The following SH2D4A variants were observed in gnomAD, a reference collection of about 807,000 sequenced individuals.
The protein encoded by SH2D4A is SH2 domain containing 4A.
A neutral mutation model predicts 64.7 loss-of-function variants in SH2D4A; 70 were observed. The observed-to-expected ratio is 1.08, with a 90% CI of 0.89 to 1.32. SH2D4A has a LOEUF of 1.32. Ranked by LOEUF, SH2D4A falls within the 40% of genes most tolerant of loss-of-function variation. The pLI, the probability that SH2D4A is intolerant of heterozygous loss-of-function variation, is 0.00. For missense variants in SH2D4A, 706 were observed against 540.1 expected, an observed-to-expected ratio of 1.31 and a Z score of -3.04; for synonymous variants, 268 against 200.7, an observed-to-expected ratio of 1.34 and a Z score of -2.83.
At chr8:19,320,334 G>T (rs1415560003) in intron 2 of SH2D4A, among the ~76,000 whole-genome samples, 1 of 152,060 alleles carries the variant, frequency 6.6e-6, no homozygotes, top group African/African-American at 2.4e-5. Flanking sequence ...TGTACATTAA[G>T]ACTTAAAGCA....
At chr8:19,388,908 G>A (rs1283120508) in intron 8 of SH2D4A, among the ~76,000 whole-genome samples, 1 of 152,240 alleles carries the variant, frequency 6.6e-6, no homozygotes, top group African/African-American at 2.4e-5. Flanking sequence ...GGGAGGGCAG[G>A]ACAGTCATGG....
At chr8:19,343,032 C>T (rs1416831392) in intron 4 of SH2D4A, among the ~76,000 whole-genome samples, 1 of 152,196 alleles carries the variant, frequency 6.6e-6, no homozygotes, top group Non-Finnish European at 1.5e-5. Context: ...CTCTGCCCTG[C>T]ACTGCGAGAG....
intron 2 of SH2D4A, among the ~76,000 whole-genome samples, chr8:19,329,315 T>C (rs2052333830): frequency 6.6e-6 from 1 of 152,236 alleles, no homozygotes. Flanking sequence ...TATGCTGCCC[T>C]GGCCCTCCAG....
In SH2D4A at chr8:19,373,582, C is replaced by T. The variant is rs150534166; in HGVS notation, c.970C>T (p.Arg324Trp). The T allele has an allele frequency of 2.3e-3, 3,661 of 1,613,110 alleles. 12 individuals are homozygous for T. The highest frequency in any genetic ancestry group is 2.8e-3 in the Non-Finnish European group (3,290 of 1,179,592). The change falls in exon 8 of 10, where the codon CGG becomes TGG. Residue 324 changes from arginine to tryptophan, a missense_variant. Arg to Trp is a moderately radical substitution (Grantham distance 101). Coordinates refer to ENST00000265807, the MANE Select transcript of SH2D4A (RefSeq NM_022071.4). ...LSSSAQEDIIRWFKEEQLPLR... is the reference protein window; with the variant it reads ...LSSSAQEDIIWWFKEEQLPLR... ...CAGCTCTGCCCAAGAGGACATCATC[C>T]GGTGGTTTAAAGAGGAGCAGCTACC...
intron 4 of SH2D4A, among the ~76,000 whole-genome samples, chr8:19,349,665 T>C (rs74428908): frequency 0.038 from 5,775 of 152,310 alleles, 172 homozygotes; most frequent in South Asian, 0.1. Flanking sequence ...CTACATGCCA[T>C]TGGGTTAATG....
intron 7 of SH2D4A, among the ~76,000 whole-genome samples, chr8:19,371,917 G>C (rs943588334): frequency 1.1e-4 from 16 of 152,026 alleles, no homozygotes; most frequent in African/African-American, 3.1e-4. Flanking sequence ...ACATTTCCCT[G>C]ATAAATTTTT....
At chr8:19,361,118 C>A in intron 5 of SH2D4A, 85 bp from the exon 6 acceptor site, 1 of 707,988 alleles carries the variant, frequency 1.4e-6, no homozygotes, top group Non-Finnish European at 2.3e-6. Context: ...GTACCCCGTC[C>A]TTCAGGAAAC....
At chr8:19,328,519 C>T (rs899363030) in intron 2 of SH2D4A, among the ~76,000 whole-genome samples, 2 of 152,264 alleles carry the variant, frequency 1.3e-5, no homozygotes, top group African/African-American at 4.8e-5. Flanking sequence ...TGAATACTGT[C>T]ATTTCCTATG....
intron 8 of SH2D4A, among the ~76,000 whole-genome samples, chr8:19,380,534 T>C (rs2053275616): frequency 6.6e-6 from 1 of 152,182 alleles, no homozygotes; most frequent in African/African-American, 2.4e-5. Flanking sequence ...TGATCCCTTT[T>C]GAGTTAATTT....
chr8:19,365,553 A>G (rs2052979294), intron 7 of SH2D4A, among the ~76,000 whole-genome samples: 1 of 152,170 alleles, frequency 6.6e-6, no homozygotes, highest in South Asian at 2.1e-4. Context: ...GTCTCTTCCA[A>G]AGGTAGCATG....
intron 7 of SH2D4A, among the ~76,000 whole-genome samples, chr8:19,369,584 T>G (rs2053059763): frequency 6.6e-6 from 1 of 152,100 alleles, no homozygotes; most frequent in Non-Finnish European, 1.5e-5. Flanking sequence ...TCCAGGAATT[T>G]ATTGATTTAC....
chr8:19,324,443 T>C (rs2052242561), intron 2 of SH2D4A, among the ~76,000 whole-genome samples: 2 of 152,236 alleles, frequency 1.3e-5, no homozygotes, highest in South Asian at 2.1e-4. Flanking sequence ...GTTCATGCCA[T>C]TGACAGTGTT....
chr8:19,333,697 T>C lies in SH2D4A; in HGVS notation c.341+583T>C, dbSNP rs144128070. 2.9e-3 allele frequency among the ~76,000 whole-genome samples: 445 copies of C among 152,242 alleles called. 5 individuals are homozygous for C. The highest frequency in any genetic ancestry group is 8.5e-3 in the South Asian group (41 of 4,824). On this transcript the variant is annotated intron_variant, in intron 3 of 9. Transcript: ENST00000265807. ...CATATGCACAGCTCACTGCGGCCAG[T>C]GCAGGCTGTGATTTGTGCTATAATT...
chr8:19,342,775 C>A (rs2052549009), intron 4 of SH2D4A, among the ~76,000 whole-genome samples: 1 of 152,190 alleles, frequency 6.6e-6, no homozygotes, highest in East Asian at 1.9e-4. Context: ...TTTTCCCCTC[C>A]ACTAGCAGTG....
rs2153652990 is a variant in SH2D4A, at chr8:19,395,155, A to G, written c.*513A>G. Reference sequence around the variant, plus strand: ...ACATGTTGGAACCAGGACATGAGAGACATAGAAAAACAGAAGTCATGAATG... The same window carrying G: ...ACATGTTGGAACCAGGACATGAGAGGCATAGAAAAACAGAAGTCATGAATG... On this transcript the variant is annotated 3_prime_UTR_variant, in exon 10 of 10. Transcript: ENST00000265807. 6.6e-6 allele frequency: 1 copy of G among 152,342 alleles called. No homozygotes were observed. Among genetic ancestry groups the G allele is most frequent in the Non-Finnish European group, 1.5e-5 (1 of 68,028 alleles). The allele number at this position is 152,342 out of a possible 1,614,324, so 9.4% of individuals were successfully genotyped here. A position where few individuals can be genotyped will look rare whatever the true frequency, so the allele number is the denominator to read the frequency against.
Position 19,395,305 on chromosome 8 carries a change from GATATACTCT to G in SH2D4A, c.*667_*675del, listed in dbSNP as rs2053570494. Reference sequence around the variant, plus strand: ...GCCGGGGCTGGCCTGGCCTCCCCTGGATATACTCTATAGTGCACCAAAAGGATAAAGCAT... The same window carrying G: ...GCCGGGGCTGGCCTGGCCTCCCCTGGATAGTGCACCAAAAGGATAAAGCAT... On this transcript the variant is annotated 3_prime_UTR_variant, in exon 10 of 10. Coordinates refer to ENST00000265807, the MANE Select transcript of SH2D4A (RefSeq NM_022071.4). 1 of 152,216 alleles carries G rather than the reference GATATACTCT, an allele frequency of 6.6e-6. No individual in the cohort carries two copies. The highest frequency in any genetic ancestry group is 2.1e-4 in the South Asian group (1 of 4,826). The allele number at this position is 152,216 out of a possible 1,614,324, so 9.4% of individuals were successfully genotyped here. A position where few individuals can be genotyped will look rare whatever the true frequency, so the allele number is the denominator to read the frequency against.
chr8:19,340,597 CTTTCTTTT>C, intron 4 of SH2D4A, among the ~76,000 whole-genome samples: 1 of 124,604 alleles, frequency 8.0e-6, no homozygotes, highest in Middle Eastern at 4.5e-3. Flanking sequence ...TTCTTTCTTT[CTTTCTTTT>C]TTTTTTTTTT....
chr8:19,362,401 A>C (rs943179178), intron 6 of SH2D4A, among the ~76,000 whole-genome samples: 4 of 152,200 alleles, frequency 2.6e-5, no homozygotes, highest in African/African-American at 9.7e-5. Flanking sequence ...TCTGTTTTAC[A>C]AAGTAGTCAT....
chr8:19,345,757 G>C (rs1416840924), intron 4 of SH2D4A, among the ~76,000 whole-genome samples: 1 of 152,208 alleles, frequency 6.6e-6, no homozygotes, highest in Non-Finnish European at 1.5e-5. Flanking sequence ...GCAATCTGTA[G>C]GTTTGCATTT....
Sources: gnomAD v4.1 joint callset for allele counts (sites outside exome capture counted in the v4.1 genomes callset) on GRCh38, gnomAD v4.1.1 for gene constraint, MANE v1.5 for transcripts, NCBI Gene and HGNC (gene_info 2026-07-23, HGNC 2026-07-21) for gene names.